FAM186A: variants seen among roughly 807,000 people sequenced by gnomAD.
FAM186A encodes protein FAM186A.
Under a neutral mutation model 216.8 loss-of-function variants are expected in FAM186A, and 163 were observed. The ratio of observed to expected loss-of-function variants is 0.75; its 90% confidence interval spans 0.66 to 0.86. The LOEUF is 0.86. FAM186A is among the 40% of genes least tolerant of loss of function. FAM186A has a pLI of 0.00. For missense variants in FAM186A, 2,184 were observed against 2,746.2 expected, an observed-to-expected ratio of 0.80 and a Z score of 4.58; for synonymous variants, 805 against 1,025.3, an observed-to-expected ratio of 0.79 and a Z score of 4.10.
chr12:50,382,959 A>G (rs1450231327), intron 1 of FAM186A, among the ~76,000 whole-genome samples: 2 of 151,982 alleles, frequency 1.3e-5, no homozygotes, highest in Non-Finnish European at 2.9e-5. Flanking sequence ...AAGGTCGGGC[A>G]TAGCGGCTCA....
At chr12:50,339,071 G>A (rs567672357) in intron 4 of FAM186A, among the ~76,000 whole-genome samples, 33 of 151,154 alleles carry the variant, frequency 2.2e-4, no homozygotes, top group African/African-American at 7.8e-4. Flanking sequence ...CTGGAGTGTA[G>A]TGGTGCATCC....
intron 1 of FAM186A, among the ~76,000 whole-genome samples, chr12:50,389,597 C>T (rs1318799184): frequency 1.3e-5 from 2 of 152,200 alleles, no homozygotes; most frequent in African/African-American, 2.4e-5. Context: ...GAAGCTGTAT[C>T]GCTGGCCTTC....
At position 50,355,334 on chromosome 12, in the gene FAM186A, T is replaced by C. The variant is rs778541948; in HGVS notation, c.1498A>G (p.Lys500Glu). The change falls in exon 4 of 8, where the codon AAA becomes GAA. Residue 500 changes from lysine (K) to glutamate (E), a missense_variant. By Grantham distance (56) the Lys-to-Glu change is moderately conservative. Around this residue, in one of 7 missense-constraint regions of FAM186A, gnomAD observed 1,132 missense variants for 1,263.4 expected, o/e 0.90. Transcript: ENST00000327337. ...GATTTCATTTCTTTTCTTTTCTTTT[T>C]CAGTACTTGTAGCTCATAGTATTGA... is the stretch of plus-strand genomic sequence containing the variant. ...PSQYYELQVL[K>E]KKRKEMKSFS... 2.6e-6 allele frequency: 4 copies of C among 1,550,184 alleles called. No homozygotes were observed. The highest frequency in any genetic ancestry group is 3.5e-6 in the Non-Finnish European group (4 of 1,146,710).
At chr12:50,389,506 A>C (rs988563564) in intron 1 of FAM186A, among the ~76,000 whole-genome samples, 4 of 152,148 alleles carry the variant, frequency 2.6e-5, no homozygotes, top group African/African-American at 9.7e-5. Context: ...ATCTCAAAAA[A>C]AGAAACTTCC....
In FAM186A at chr12:50,396,521, T is replaced by C. The variant is rs1455095123; in HGVS notation, c.-37A>G. ...GGGTGATTTCGTTTTATTTCTTCTT[T>C]TTCACAGAATCTACAAAAATGCTAA... On this transcript the variant is annotated 5_prime_UTR_variant, in exon 1 of 8. Transcript: ENST00000327337. 1.3e-6 allele frequency: 2 copies of C among 1,516,356 alleles called. No homozygotes were observed. The highest frequency in any genetic ancestry group is 4.9e-5 in the East Asian group (2 of 40,722). 93.9% of individuals were successfully genotyped at this position (1,516,356 alleles called of 1,614,324 possible).
rs1943082519 is a variant in FAM186A, at chr12:50,365,881, A to C, written c.193-2517T>G. ...AAAGTAGTCCAGGTTTACAGGAAGAAATATATTATCTACATTGAACGGGTG... is the reference window on the plus strand; with the variant it reads ...AAAGTAGTCCAGGTTTACAGGAAGACATATATTATCTACATTGAACGGGTG... On this transcript the variant is annotated intron_variant, in intron 1 of 7. Coordinates refer to ENST00000327337, the MANE Select transcript of FAM186A (RefSeq NM_001145475.3). 4 of 762,966 alleles carry C rather than the reference A, an allele frequency of 5.2e-6. No homozygotes were observed. The Admixed American group carries it at 6.8e-5, about 13-fold the overall frequency. 47.3% of individuals were successfully genotyped at this position (762,966 alleles called of 1,614,324 possible).
chr12:50,370,123 CAAAAAAAAAAAAAA>C (rs56403101), intron 1 of FAM186A, among the ~76,000 whole-genome samples: 1 of 38,442 alleles, frequency 2.6e-5, no homozygotes, highest in Admixed American at 4.8e-4. Flanking sequence ...GACTCCATCT[CAAAAAAAAAAAAAA>C]AAAAAAAAAA....
At chr12:50,341,776 A>G (rs1426380496) in intron 4 of FAM186A, among the ~76,000 whole-genome samples, 1 of 152,152 alleles carries the variant, frequency 6.6e-6, no homozygotes, top group Non-Finnish European at 1.5e-5. Context: ...CGGAGGTTGC[A>G]ATGAGCTGAG....
Position 50,351,030 on chromosome 12 carries a change from T to C in FAM186A, c.5802A>G (p.Leu1934=), listed in dbSNP as rs974805339. The C allele has an allele frequency of 6.4e-7, 1 of 1,551,024 alleles. No homozygotes were observed. Among genetic ancestry groups the C allele is most frequent in the Non-Finnish European group, 8.7e-7 (1 of 1,146,806 alleles). The change falls in exon 4 of 8, where the codon CTA becomes CTG. Residue 1934 remains leucine (L), a synonymous_variant. Coordinates refer to ENST00000327337, the MANE Select transcript of FAM186A (RefSeq NM_001145475.3). ...IPPTSRHPPT[L]WPSPAPGKPQ... is the part of the protein sequence containing the mutation. ...GCTTTCCAGGGGCTGGGGACGGCCA[T>C]AGTGTGGGAGGATGTCTAGAGGTGG... is the stretch of plus-strand genomic sequence containing the variant.
chr12:50,388,359 C>A (rs1052892958), intron 1 of FAM186A, among the ~76,000 whole-genome samples: 2 of 152,208 alleles, frequency 1.3e-5, no homozygotes, highest in South Asian at 4.1e-4. Flanking sequence ...TGGCTCACAC[C>A]TGTAATCGCA....
rs1416043356 is a variant in FAM186A, at chr12:50,354,702, T to G, written c.2130A>C (p.Lys710Asn). The G allele has an allele frequency of 6.5e-7, 1 of 1,549,240 alleles. No homozygotes were observed. ...EELLKRAEAE[K>N]LGIIKAKMEE... is the part of the protein sequence containing the mutation. ...CCATTTTTGCCTTTATGATTCCTAA[T>G]TTTTCAGCTTCTGCTCTTTTTAATA... Residue 710 changes from lysine (K) to asparagine (N), a missense_variant, in exon 4 of 8, where the codon AAA becomes AAC. Physicochemically the swap from Lys to Asn is moderately conservative, Grantham distance 94. Coordinates refer to ENST00000327337, the MANE Select transcript of FAM186A (RefSeq NM_001145475.3).
At chr12:50,348,921 T>A (rs1293470182) in intron 4 of FAM186A, among the ~76,000 whole-genome samples, 1 of 152,116 alleles carries the variant, frequency 6.6e-6, no homozygotes, top group Non-Finnish European at 1.5e-5. Context: ...GTATATATAT[T>A]TTGGGGGTAC....
Position 50,354,203 on chromosome 12 carries a change from G to A in FAM186A, c.2629C>T (p.Gln877Ter). The A allele has an allele frequency of 6.4e-7, 1 of 1,551,554 alleles. No homozygotes were observed. Among genetic ancestry groups the A allele is most frequent in the East Asian group, 2.4e-5 (1 of 40,918 alleles). The change falls in exon 4 of 8, where the codon CAA becomes TAA. Residue 877 changes from glutamine to a stop codon, truncating the protein, a stop_gained. Transcript: ENST00000327337. LOFTEE classifies it high-confidence loss of function. Reference protein sequence around the residue: ...WLQMKEGKQEQQSQKQWQEEE... With the variant: ...WLQMKEGKQE ...TCCTGCCACTGTTTCTGGCTCTGTT[G>A]TTCTTGCTTTCCCTCCTTCATCTGG...
rs375981318 is a variant in FAM186A, at chr12:50,350,701, G to A, written c.6131C>T (p.Thr2044Ile). Residue 2044 changes from threonine to isoleucine, a missense_variant, in exon 4 of 8, where the codon ACA becomes ATA. Physicochemically the swap from Thr to Ile is moderately conservative, Grantham distance 89. Transcript: ENST00000327337. ...ERALLTLMKP[T>I]TSPSSLTTLL... is the part of the protein sequence containing the mutation. ...AGTAGTGAGAGAAGATGGTGATGTT[G>A]TTGGCTTCATGAGAGTGAGAAGGGC... 1.3e-6 allele frequency: 2 copies of A among 1,551,548 alleles called. No homozygotes were observed. Among genetic ancestry groups the A allele is most frequent in the Non-Finnish European group, 8.7e-7 (1 of 1,146,984 alleles).
At chr12:50,386,293 G>A (rs1943303052) in intron 1 of FAM186A, among the ~76,000 whole-genome samples, 1 of 151,644 alleles carries the variant, frequency 6.6e-6, no homozygotes, top group South Asian at 2.1e-4. Flanking sequence ...GCCAAACCTG[G>A]TGGCACCCAT....
intron 3 of FAM186A, among the ~76,000 whole-genome samples, chr12:50,358,600 AC>A (rs766756821): frequency 8.0e-5 from 12 of 150,650 alleles, no homozygotes; most frequent in South Asian, 2.1e-4. Context: ...ACAAAACAAA[AC>A]AAAAACCTAT....
At chr12:50,361,035 T>C in intron 2 of FAM186A, 109 bp from the exon 3 acceptor site, 1 of 755,674 alleles carries the variant, frequency 1.3e-6, no homozygotes, top group African/African-American at 1.8e-5. Flanking sequence ...TTGGGGAATA[T>C]AGGTATCTCA....
At chr12:50,387,935 C>T (rs776827995) in intron 1 of FAM186A, among the ~76,000 whole-genome samples, 30 of 152,144 alleles carry the variant, frequency 2.0e-4, no homozygotes, top group Non-Finnish European at 3.7e-4. Context: ...TATCTGCCTA[C>T]GTGATTTCTT....
At chr12:50,329,575 G>A (rs1942636687) in intron 7 of FAM186A, among the ~76,000 whole-genome samples, 1 of 151,142 alleles carries the variant, frequency 6.6e-6, no homozygotes, top group Non-Finnish European at 1.5e-5. Flanking sequence ...TCTGCCACCT[G>A]GACAAATTTG....
Sources: allele counts gnomAD v4.1 joint callset (sites outside exome capture counted in the v4.1 genomes callset), GRCh38; gene constraint gnomAD v4.1.1; regional missense constraint gnomAD v4.1.1; transcripts MANE v1.5; gene names NCBI Gene and HGNC (gene_info 2026-07-23, HGNC 2026-07-21).